Variants in CHST9 observed in about 807,000 individuals in gnomAD.
CHST9 encodes the protein carbohydrate sulfotransferase 9, also known as GalNAc-4-sulfotransferase 2.
In CHST9, 41 loss-of-function variants were observed where a neutral mutation model predicts 44.4. The observed-to-expected ratio is 0.92, with a 90% CI of 0.72 to 1.20. The LOEUF (loss-of-function observed/expected upper bound fraction) is 1.20, where lower values mean the gene tolerates loss of function less well. Ranked by LOEUF, CHST9 falls within the 50% of genes most tolerant of loss-of-function variation. CHST9 has a pLI of 0.00. For missense variants in CHST9, 504 were observed against 516.5 expected (o/e 0.98, Z 0.23); for synonymous variants, 171 against 178.4 (o/e 0.96, Z 0.33).
chr18:27,150,869 A>G (rs2058654126), intron 1 of CHST9, among the ~76,000 whole-genome samples: 1 of 152,198 alleles, frequency 6.6e-6, no homozygotes. Context: ...AATTTATTAT[A>G]AAGCACCTTA....
intron 4 of CHST9, among the ~76,000 whole-genome samples, chr18:26,974,697 A>G (rs1287853414): frequency 1.4e-5 from 2 of 147,764 alleles, no homozygotes; most frequent in African/African-American, 2.5e-5. Flanking sequence ...TTTTTGAGAC[A>G]GGGTCTCACT....
At chr18:27,020,569 AT>A (rs2057212825) in intron 4 of CHST9, among the ~76,000 whole-genome samples, 1 of 152,214 alleles carries the variant, frequency 6.6e-6, no homozygotes, top group African/African-American at 2.4e-5. Context: ...GGAGATGTTT[AT>A]ATTCATTATC....
At chr18:27,129,778 T>C (rs1422300503) in intron 2 of CHST9, among the ~76,000 whole-genome samples, 2 of 152,146 alleles carry the variant, frequency 1.3e-5, no homozygotes, top group Non-Finnish European at 2.9e-5. Flanking sequence ...ACTTCTGAAC[T>C]TTCTCTTGAA....
At chr18:27,163,331 C>A (rs1289791768) in intron 1 of CHST9, among the ~76,000 whole-genome samples, 1 of 152,222 alleles carries the variant, frequency 6.6e-6, no homozygotes, top group Non-Finnish European at 1.5e-5. Flanking sequence ...CCGCTACTCT[C>A]TTCAAGGCTG....
chr18:27,181,893 G>A (rs569000782), intron 1 of CHST9, among the ~76,000 whole-genome samples: 1 of 152,288 alleles, frequency 6.6e-6, no homozygotes, highest in South Asian at 2.1e-4. Context: ...CTGCCACCCA[G>A]CTCATTTCTG....
At chr18:27,086,475 T>C (rs953272125) in intron 2 of CHST9, among the ~76,000 whole-genome samples, 4 of 152,224 alleles carry the variant, frequency 2.6e-5, no homozygotes, top group Non-Finnish European at 5.9e-5. Context: ...ATTTCCTTTA[T>C]ATCTGGTACT....
chr18:26,916,284 A>T lies in CHST9; in HGVS notation c.1307T>A (p.Phe436Tyr). Reference protein sequence around the residue: ...YDFYYLDYLMFNYTTPFL With the variant: ...YDFYYLDYLMYNYTTPFL ...CTACAAAAATGGAGTTGTATAATTA[A>T]ACATTAAATAGTCCAAGTAATAAAA... Residue 436 changes from phenylalanine (F) to tyrosine (Y), a missense_variant, in exon 6 of 6, where the codon TTT becomes TAT. Physicochemically the swap from Phe to Tyr is conservative, Grantham distance 22 (BLOSUM62 3). Coordinates refer to ENST00000618847, the MANE Select transcript of CHST9 (RefSeq NM_031422.6). The T allele has an allele frequency of 6.3e-7, 1 of 1,578,804 alleles. No individual in the cohort carries two copies. The highest frequency in any genetic ancestry group is 8.7e-7 in the Non-Finnish European group (1 of 1,152,876).
intron 2 of CHST9, among the ~76,000 whole-genome samples, chr18:27,132,726 T>C (rs752758678): frequency 6.6e-6 from 1 of 152,186 alleles, no homozygotes; most frequent in Non-Finnish European, 1.5e-5. Context: ...TGAAATTCAG[T>C]AAGCCTTCTC....
chr18:26,952,830 T>C (rs9953901), intron 4 of CHST9, among the ~76,000 whole-genome samples: 3,895 of 152,234 alleles, frequency 0.026, 177 homozygotes, highest in African/African-American at 0.089. Flanking sequence ...CAGGGTCAGG[T>C]GGCAGAGAGA....
At chr18:27,052,323 T>C (rs1179249548) in intron 2 of CHST9, among the ~76,000 whole-genome samples, 2 of 151,800 alleles carry the variant, frequency 1.3e-5, no homozygotes, top group East Asian at 1.9e-4. Context: ...TATATATATG[T>C]ATATATGTGT....
chr18:26,919,205 G>T (rs969005716), intron 5 of CHST9, among the ~76,000 whole-genome samples: 4 of 152,110 alleles, frequency 2.6e-5, no homozygotes, highest in Non-Finnish European at 4.4e-5. Flanking sequence ...TGAGATTTGG[G>T]TTGGGACACA....
At chr18:27,181,863 C>T (rs554288354) in intron 1 of CHST9, among the ~76,000 whole-genome samples, 113 of 152,186 alleles carry the variant, frequency 7.4e-4, no homozygotes, top group Non-Finnish European at 1.4e-3. Context: ...GCAAAGTTTT[C>T]ATACCAGGTT....
chr18:27,171,933 G>T (rs1015498093), intron 1 of CHST9, among the ~76,000 whole-genome samples: 1 of 152,086 alleles, frequency 6.6e-6, no homozygotes, highest in African/African-American at 2.4e-5. Flanking sequence ...TGTCCTTTCT[G>T]AGACTTTAGG....
Position 26,981,535 on chromosome 18 carries a change from G to A in CHST9, c.203-37169C>T, listed in dbSNP as rs1005931912. 5.9e-5 allele frequency among the ~76,000 whole-genome samples: 9 copies of A among 152,152 alleles called. No individual in the cohort carries two copies. The East Asian group carries it at 7.7e-4, about 13-fold the overall frequency. ...GCACTTGAGAATGAACAGTAAGTTC[G>A]TTGTTCAGGAATACATGTGCAATCC... On this transcript the variant is annotated intron_variant, in intron 4 of 5. Coordinates refer to ENST00000618847, the MANE Select transcript of CHST9 (RefSeq NM_031422.6).
intron 4 of CHST9, among the ~76,000 whole-genome samples, chr18:26,981,137 T>C (rs1300958990): frequency 1.3e-5 from 2 of 152,172 alleles, no homozygotes; most frequent in Non-Finnish European, 2.9e-5. Context: ...AAGAAGTAGA[T>C]TGGGAAATTA....
At chr18:26,952,553 G>T (rs2056264355) in intron 4 of CHST9, 1 of 432,576 alleles carries the variant, frequency 2.3e-6, no homozygotes, top group South Asian at 2.0e-5. Context: ...TTACCACCTT[G>T]TGAAAGTTTA....
chr18:26,922,660 G>T (rs542307982), intron 5 of CHST9, among the ~76,000 whole-genome samples: 1 of 151,960 alleles, frequency 6.6e-6, no homozygotes, highest in African/African-American at 2.4e-5. Flanking sequence ...TTTTGAGATG[G>T]AATCTTGTTC....
chr18:27,066,130 T>C (rs953663436), intron 2 of CHST9, among the ~76,000 whole-genome samples: 1 of 152,222 alleles, frequency 6.6e-6, no homozygotes, highest in Non-Finnish European at 1.5e-5. Context: ...TGGGAGACTT[T>C]TGGATCTGGG....
intron 4 of CHST9, among the ~76,000 whole-genome samples, chr18:27,008,786 A>G (rs1183074): frequency 0.66 from 99,878 of 151,944 alleles, 33,425 homozygotes; most frequent in African/African-American, 0.78. Flanking sequence ...TGGGCTCACA[A>G]GAAGTATTCT....
Sources: gnomAD v4.1 joint callset for allele counts (sites outside exome capture counted in the v4.1 genomes callset) on GRCh38, gnomAD v4.1.1 for gene constraint, MANE v1.5 for transcripts, NCBI Gene and HGNC (gene_info 2026-07-23, HGNC 2026-07-21) for gene names.